Variants in TM4SF4 observed in about 807,000 individuals in gnomAD.
TM4SF4 encodes the protein transmembrane 4 L six family member 4.
A neutral mutation model predicts 24.1 loss-of-function variants in TM4SF4; 24 were observed. The ratio of observed to expected loss-of-function variants is 1.00; its 90% confidence interval spans 0.72 to 1.40. The LOEUF (loss-of-function observed/expected upper bound fraction) is 1.40. TM4SF4 is among the 40% of genes most tolerant of loss of function. The pLI is 0.00. For synonymous variants in TM4SF4, 113 were observed against 97.0 expected (o/e 1.17, Z -0.97); for missense variants, 254 against 254.2 (o/e 1.00, Z 0.01).
chr3:149,499,297 G>A (rs370696438), intron 4 of TM4SF4, among the ~76,000 whole-genome samples: 6 of 152,134 alleles, frequency 3.9e-5, no homozygotes, highest in Admixed American at 6.5e-5. Context: ...AGTACATCAC[G>A]GTCTGGGCTG....
rs904642435 is a variant in TM4SF4, at chr3:149,502,687, C to T, written c.603C>T (p.Pro201=). ...QCCGCCGGDG[P]V ...TTTCTACCTTCTAGGGAGATGGACC[C>T]GTTTAAACCTCCGAGATGAGCTGCT... Residue 201 remains proline (P), a synonymous_variant, in exon 5 of 5, where the codon CCC becomes CCT. Coordinates refer to ENST00000305354, the MANE Select transcript of TM4SF4 (RefSeq NM_004617.4). 6.9e-6 allele frequency: 11 copies of T among 1,602,360 alleles called. No homozygotes were observed. The highest frequency in any genetic ancestry group is 1.3e-5 in the African/African-American group (1 of 74,714).
At chr3:149,498,956 A>G (rs762724991) in intron 4 of TM4SF4, 45 bp downstream of exon 4, 4 of 1,602,794 alleles carry the variant, frequency 2.5e-6, no homozygotes, top group Non-Finnish European at 3.4e-6. Context: ...GAGGGAGGCC[A>G]GGTCAGGCCA....
chr3:149,487,904 A>C, intron 3 of TM4SF4, 149 bp downstream of exon 3: 1 of 1,133,634 alleles, frequency 8.8e-7, no homozygotes, highest in Middle Eastern at 3.1e-4. Flanking sequence ...GGAGTTGTGG[A>C]ATACAGCAAA....
intron 4 of TM4SF4, among the ~76,000 whole-genome samples, chr3:149,502,365 A>C (rs940518261): frequency 6.6e-6 from 1 of 152,218 alleles, no homozygotes; most frequent in Non-Finnish European, 1.5e-5. Context: ...CTTGTACCCC[A>C]AAAGCTATTG....
chr3:149,478,358 T>G (rs1028213944), intron 2 of TM4SF4, among the ~76,000 whole-genome samples: 1 of 152,210 alleles, frequency 6.6e-6, no homozygotes, highest in African/African-American at 2.4e-5. Flanking sequence ...TTAGCCAGGC[T>G]GGTCTGGAAC....
At chr3:149,500,511 C>T (rs1016957201) in intron 4 of TM4SF4, among the ~76,000 whole-genome samples, 5 of 152,014 alleles carry the variant, frequency 3.3e-5, no homozygotes, top group Non-Finnish European at 5.9e-5. Flanking sequence ...ATGTTTTGGT[C>T]TTTAAACATA....
chr3:149,483,868 C>A (rs987815378), intron 2 of TM4SF4, among the ~76,000 whole-genome samples: 1 of 151,530 alleles, frequency 6.6e-6, no homozygotes, highest in Non-Finnish European at 1.5e-5. Context: ...GCAACCCGTG[C>A]GTCCCATGCT....
chr3:149,478,689 G>A (rs567317670), intron 2 of TM4SF4, among the ~76,000 whole-genome samples: 1 of 152,342 alleles, frequency 6.6e-6, no homozygotes, highest in African/African-American at 2.4e-5. Flanking sequence ...TAGCACGGCT[G>A]CCCTGGGCCA....
chr3:149,500,740 C>T (rs1321382882), intron 4 of TM4SF4, among the ~76,000 whole-genome samples: 1 of 152,112 alleles, frequency 6.6e-6, no homozygotes, highest in Non-Finnish European at 1.5e-5. Flanking sequence ...GACATGGTGG[C>T]TCATGTCTGT....
intron 3 of TM4SF4, 101 bp downstream of exon 3, chr3:149,487,856 T>C: frequency 1.3e-6 from 2 of 1,505,840 alleles, no homozygotes; most frequent in Non-Finnish European, 1.8e-6. Flanking sequence ...TTCATCCTTA[T>C]GCAAGCCTCA....
chr3:149,485,822 A>C (rs1311372689), intron 2 of TM4SF4, among the ~76,000 whole-genome samples: 2 of 152,090 alleles, frequency 1.3e-5, no homozygotes, highest in African/African-American at 4.8e-5. Flanking sequence ...AAACAAAAAA[A>C]CCTATGCATT....
intron 2 of TM4SF4, among the ~76,000 whole-genome samples, chr3:149,476,823 TTTTTTTTTGAGACAGGGTCTCACTCTG>T: frequency 7.0e-6 from 1 of 142,428 alleles, no homozygotes. Context: ...TGTTTTTTTT[TTTTTTTTTGAGACAGGGTCTCACTCTG>T]TTTGCCCAGG....
At chr3:149,480,848 A>ATTTTAT (rs1276528668) in intron 2 of TM4SF4, among the ~76,000 whole-genome samples, 1 of 151,386 alleles carries the variant, frequency 6.6e-6, no homozygotes, top group Non-Finnish European at 1.5e-5. Context: ...TACATATTTT[A>ATTTTAT]TTTTATTTTT....
intron 2 of TM4SF4, among the ~76,000 whole-genome samples, chr3:149,485,698 G>A (rs1734103714): frequency 1.3e-5 from 2 of 152,190 alleles, no homozygotes; most frequent in South Asian, 4.1e-4. Flanking sequence ...GGAGACTGAG[G>A]TGGGAGGATC....
intron 3 of TM4SF4, among the ~76,000 whole-genome samples, chr3:149,489,352 C>T (rs559991397): frequency 6.6e-6 from 1 of 152,286 alleles, no homozygotes; most frequent in South Asian, 2.1e-4. Flanking sequence ...AACATCAGTG[C>T]CACAGTAAAC....
intron 4 of TM4SF4, among the ~76,000 whole-genome samples, chr3:149,501,844 G>C (rs528685577): frequency 6.6e-6 from 1 of 152,196 alleles, no homozygotes; most frequent in Non-Finnish European, 1.5e-5. Flanking sequence ...TCCTGAGCCT[G>C]GCACAGTCCT....
intron 2 of TM4SF4, among the ~76,000 whole-genome samples, chr3:149,477,768 T>A (rs1360835301): frequency 6.6e-6 from 1 of 152,238 alleles, no homozygotes; most frequent in Non-Finnish European, 1.5e-5. Context: ...GGATATTTTA[T>A]GTAATTATAA....
rs1734377681 is a variant in TM4SF4 at position 149,499,556 on chromosome 3, C to A, written c.591+645C>A. Among the ~76,000 whole-genome samples the A allele has an allele frequency of 2.6e-5, 4 of 152,122 alleles. No individual in the cohort carries two copies. In the South Asian group the frequency reaches 6.2e-4, roughly 24 times the overall value. On this transcript the variant is annotated intron_variant, in intron 4 of 4. Transcript: ENST00000305354. ...AAATCAAATTAGGCAATTATTCACA[C>A]ACATACACAAAGTTATTACAAGCAC...
chr3:149,485,553 T>C (rs1259228533), intron 2 of TM4SF4, among the ~76,000 whole-genome samples: 1 of 152,186 alleles, frequency 6.6e-6, no homozygotes, highest in African/African-American at 2.4e-5. Context: ...ATGCTAAGTG[T>C]GGAAAAATGC....
Sources: allele counts gnomAD v4.1 joint callset (sites outside exome capture counted in the v4.1 genomes callset), GRCh38; gene constraint gnomAD v4.1.1; transcripts MANE v1.5; gene names NCBI Gene and HGNC (gene_info 2026-07-23, HGNC 2026-07-21).